Variants in CACNA1C observed in about 807,000 individuals in gnomAD.
The protein encoded by CACNA1C is voltage-dependent L-type calcium channel subunit alpha-1C.
A neutral mutation model predicts 229.0 loss-of-function variants in CACNA1C; 30 were observed. The ratio of observed to expected loss-of-function variants is 0.13; its 90% CI spans 0.10 to 0.18. The LOEUF (loss-of-function observed/expected upper bound fraction) is 0.18, where lower values mean the gene tolerates loss of function less well. Among genes scored for constraint, CACNA1C ranks in the 10% least tolerant of loss-of-function variants. The pLI, the probability that CACNA1C is intolerant of heterozygous loss-of-function variation, is 1.00. For synonymous variants in CACNA1C, 1,114 were observed against 1,132.5 expected (o/e 0.98, Z 0.33); for missense variants, 1,658 against 2,845.0 (o/e 0.58, Z 9.49).
chr12:2,454,050 T>C (rs1423538271), intron 4 of CACNA1C, among the ~76,000 whole-genome samples: 1 of 152,162 alleles, frequency 6.6e-6, no homozygotes, highest in East Asian at 1.9e-4. Flanking sequence ...TGATTTCTGC[T>C]CCACTGCACC....
At chr12:2,607,749 C>T (rs1481957325) in intron 26 of CACNA1C, 1 of 152,310 alleles carries the variant, frequency 6.6e-6, no homozygotes, top group East Asian at 1.9e-4. Context: ...TGTATAGATA[C>T]CTGCTTTTCC....
At position 1,979,641 on chromosome 12, in the gene CACNA1C, G is replaced by A. The variant is rs180816005; in HGVS notation, c.139+8440G>A. On this transcript the variant is annotated intron_variant, in intron 1 of 46. Transcript: ENST00000682462. ...TCTCTTAAGTAAATAACTACGAACG[G>A]AACTTGTTGGATCATACGCTAGTTA... Among the ~76,000 whole-genome samples, 280 of 152,318 alleles carry A rather than the reference G, an allele frequency of 1.8e-3. 1 individual carries two copies. The highest frequency in any genetic ancestry group is 6.5e-3 in the African/African-American group (272 of 41,582).
chr12:1,982,031 T>C (rs2036298036), intron 1 of CACNA1C, among the ~76,000 whole-genome samples: 1 of 152,012 alleles, frequency 6.6e-6, no homozygotes, highest in South Asian at 2.1e-4. Flanking sequence ...AGGTGAAAAG[T>C]TTTACTTGGA....
intron 3 of CACNA1C, among the ~76,000 whole-genome samples, chr12:2,299,178 TA>T (rs1194511163): frequency 6.6e-6 from 1 of 152,204 alleles, no homozygotes; most frequent in African/African-American, 2.4e-5. Flanking sequence ...CGCTATGCGT[TA>T]GAATGAACAG....
intron 3 of CACNA1C, among the ~76,000 whole-genome samples, chr12:2,351,940 C>T (rs559180006): frequency 4.6e-5 from 7 of 152,284 alleles, no homozygotes; most frequent in African/African-American, 7.2e-5. Context: ...GCCAGGATTC[C>T]GGTCTTGTCA....
chr12:2,470,089 A>G (rs1047739522), intron 5 of CACNA1C, among the ~76,000 whole-genome samples: 3 of 152,232 alleles, frequency 2.0e-5, no homozygotes, highest in Admixed American at 1.3e-4. Context: ...ATGACAGAGT[A>G]TGACCCTGGG....
intron 30 of CACNA1C, chr12:2,641,775 C>T (rs1344178948): frequency 1.4e-6 from 1 of 702,460 alleles, no homozygotes; most frequent in East Asian, 2.7e-5. Flanking sequence ...CCTTTAGCAA[C>T]GTGACCCCTG....
At position 2,275,762 on chromosome 12, in the gene CACNA1C, C is replaced by T. The variant is rs1182567657; in HGVS notation, c.477+155332C>T. 6.6e-6 allele frequency among the ~76,000 whole-genome samples: 1 copy of T among 152,136 alleles called. No homozygotes were observed. The highest frequency in any genetic ancestry group is 1.5e-5 in the Non-Finnish European group (1 of 68,030). On this transcript the variant is annotated intron_variant, in intron 3 of 46. Transcript: ENST00000399655. The surrounding 1 kb of genome is among the most constrained non-coding windows in gnomAD (Gnocchi z 4.1). ...CGGAAGCATAGGTGGGAGAAGACAG[C>T]CAGCACTGTAGAGTGGGGAGGGCTC...
At chr12:2,406,109 G>A (rs2098734609) in intron 3 of CACNA1C, among the ~76,000 whole-genome samples, 1 of 152,174 alleles carries the variant, frequency 6.6e-6, no homozygotes, top group South Asian at 2.1e-4. Context: ...CCTGGTTTCT[G>A]ATGAGAAATA....
intron 1 of CACNA1C, among the ~76,000 whole-genome samples, chr12:2,106,665 C>G (rs1468290672): frequency 4.3e-5 from 2 of 46,470 alleles, no homozygotes; most frequent in African/African-American, 1.3e-4. Flanking sequence ...GTTTCCACCT[C>G]AGCTGGGGCG....
At chr12:2,146,212 A>G (rs546036272) in intron 3 of CACNA1C, among the ~76,000 whole-genome samples, 1 of 151,148 alleles carries the variant, frequency 6.6e-6, no homozygotes, top group South Asian at 2.1e-4. Flanking sequence ...CAGACTGGGG[A>G]GACAAGAACC....
intron 3 of CACNA1C, among the ~76,000 whole-genome samples, chr12:2,434,973 C>G (rs1428082877): frequency 1.3e-5 from 2 of 152,202 alleles, no homozygotes; most frequent in African/African-American, 4.8e-5. Context: ...CGTCGTCAGC[C>G]CAAGTCAACG....
At chr12:2,535,546 A>AC (rs1446682746) in intron 9 of CACNA1C, among the ~76,000 whole-genome samples, 2 of 150,308 alleles carry the variant, frequency 1.3e-5, no homozygotes, top group Non-Finnish European at 3.0e-5. Flanking sequence ...TAAAAAAAAA[A>AC]AACAAAATAA....
intron 13 of CACNA1C, among the ~76,000 whole-genome samples, chr12:2,572,346 TCCTCC>T: frequency 7.3e-6 from 1 of 136,184 alleles, no homozygotes; most frequent in African/African-American, 2.7e-5. Flanking sequence ...TTCTTCCTCC[TCCTCC>T]TCCTCTCCTC....
intron 3 of CACNA1C, among the ~76,000 whole-genome samples, chr12:2,267,649 A>T (rs74393821): frequency 0.058 from 8,902 of 152,306 alleles, 338 homozygotes; most frequent in African/African-American, 0.097. Flanking sequence ...GTAAAAGAAC[A>T]GAATAATAAG....
rs2086018191 is a variant in CACNA1C, at chr12:2,120,316, CT to C, written c.372-6del. 7.1e-7 allele frequency: 1 copy of C among 1,407,530 alleles called. No homozygotes were observed. The highest frequency in any genetic ancestry group is 1.0e-6 in the Non-Finnish European group (1 of 991,418). 87.2% of individuals were successfully genotyped at this position (1,407,530 alleles called of 1,614,324 possible). On this transcript the variant is annotated splice_region_variant and splice_polypyrimidine_tract_variant and intron_variant, in intron 2 of 46. Transcript: ENST00000399655. ...CTGTGGCATTAACTTCCTTGACTCC[CT>C]TTCTCAGACCATTTGAAATAATTAT...
intron 13 of CACNA1C, among the ~76,000 whole-genome samples, chr12:2,581,261 C>T (rs117818179): frequency 1.0e-3 from 157 of 152,336 alleles, no homozygotes; most frequent in Non-Finnish European, 1.9e-3. Flanking sequence ...CTACAACAAT[C>T]TCCATTTTTT....
At position 2,694,930 on chromosome 12, in the gene CACNA1C, T is replaced by C. The variant is rs2097826211; in HGVS notation, c.*3731T>C. 1 of 152,234 alleles carries C rather than the reference T, an allele frequency of 6.6e-6. No individual in the cohort carries two copies. 9.4% of individuals were successfully genotyped at this position (152,234 alleles called of 1,614,324 possible). ...GTGGAACCCTGGTCATCGGGGTTTT[T>C]AGCCTCATCGTGGGAAAGGTGGTAA... On this transcript the variant is annotated 3_prime_UTR_variant, in exon 47 of 47. Transcript: ENST00000399655.
chr12:2,011,593 C>T lies in CACNA1C; in HGVS notation c.139+40392C>T, dbSNP rs59654874. ...TCTGTGGTTCTCTATTAAGCTACCT[C>T]GGTTCATATCAAATGCGTATCAAAT... On this transcript the variant is annotated intron_variant, in intron 1 of 46. Coordinates refer to the CACNA1C transcript ENST00000682462. 1.6e-3 allele frequency among the ~76,000 whole-genome samples: 244 copies of T among 152,300 alleles called. 1 individual carries two copies. The highest frequency in any genetic ancestry group is 5.6e-3 in the African/African-American group (234 of 41,566).
Sources: allele counts gnomAD v4.1 joint callset (sites outside exome capture counted in the v4.1 genomes callset), GRCh38; gene constraint gnomAD v4.1.1; non-coding constraint Gnocchi (gnomAD v3.1); transcripts MANE v1.5; gene names NCBI Gene and HGNC (gene_info 2026-07-23, HGNC 2026-07-21).